Variants in DCDC1 observed in about 807,000 individuals in gnomAD.
DCDC1 encodes the protein doublecortin domain-containing protein 1.
DCDC1 carries 200 observed loss-of-function variants against 178.3 expected under a neutral mutation model. The ratio of observed to expected loss-of-function variants is 1.12; its 90% CI spans 1.00 to 1.26. The LOEUF (loss-of-function observed/expected upper bound fraction) is 1.26. DCDC1 is among the 50% of genes most tolerant of loss of function. The pLI is 0.00. For missense variants in DCDC1, 1,983 were observed against 1,749.2 expected, an observed-to-expected ratio of 1.13 and a Z score of -2.38; for synonymous variants, 690 against 604.8, an observed-to-expected ratio of 1.14 and a Z score of -2.07.
intron 9 of DCDC1, among the ~76,000 whole-genome samples, chr11:31,145,895 T>G (rs1268361550): frequency 6.6e-6 from 1 of 152,208 alleles, no homozygotes; most frequent in Non-Finnish European, 1.5e-5. Context: ...TTTTGTCTTT[T>G]TTCCTTGGCT....
At chr11:31,207,564 G>A (rs1453544747) in intron 9 of DCDC1, among the ~76,000 whole-genome samples, 2 of 152,030 alleles carry the variant, frequency 1.3e-5, no homozygotes, top group Non-Finnish European at 1.5e-5. Context: ...CTGTTACATC[G>A]GATGAACTGT....
At position 31,103,802 on chromosome 11, in the gene DCDC1, C is replaced by T. The variant is rs763163580; in HGVS notation, c.1752-33G>A. On this transcript the variant is annotated intron_variant, in intron 13 of 38. Coordinates refer to ENST00000684477, the MANE Select transcript of DCDC1 (RefSeq NM_001387274.1). ...ACGGATAAAACATCAAAACTATCTT[C>T]AAAATTAGACATACATTGTAATTTG... is the stretch of plus-strand genomic sequence containing the variant. 9.3e-6 allele frequency: 7 copies of T among 754,002 alleles called. No homozygotes were observed. In the African/African-American group the frequency reaches 1.0e-4, roughly 11 times the overall value. The allele number at this position is 754,002 out of a possible 1,614,324, so 46.7% of individuals were successfully genotyped here. A position where few individuals can be genotyped will look rare whatever the true frequency, so the allele number is the denominator to read the frequency against.
At chr11:31,328,626 G>A (rs1181838549) in intron 2 of DCDC1, among the ~76,000 whole-genome samples, 5 of 151,818 alleles carry the variant, frequency 3.3e-5, no homozygotes, top group Admixed American at 1.3e-4. Flanking sequence ...GTGAAACCCC[G>A]TCTCTACTAA....
intron 20 of DCDC1, among the ~76,000 whole-genome samples, chr11:31,057,927 T>C (rs1955692309): frequency 6.6e-6 from 1 of 152,156 alleles, no homozygotes; most frequent in Non-Finnish European, 1.5e-5. Context: ...CCGTAATGAC[T>C]TGTTTAATTT....
chr11:30,938,898 T>C (rs1947453602), intron 21 of DCDC1, among the ~76,000 whole-genome samples: 1 of 151,998 alleles, frequency 6.6e-6, no homozygotes, highest in Admixed American at 6.6e-5. Context: ...AATTTTTGCT[T>C]CCCATTTTCA....
chr11:30,942,309 T>A (rs181107806), intron 21 of DCDC1, among the ~76,000 whole-genome samples: 16 of 152,334 alleles, frequency 1.1e-4, no homozygotes, highest in Non-Finnish European at 1.9e-4. Context: ...TGTCTGTAAC[T>A]ATTCTATAGC....
At chr11:31,118,676 C>A (rs1271756949) in intron 11 of DCDC1, among the ~76,000 whole-genome samples, 1 of 152,180 alleles carries the variant, frequency 6.6e-6, no homozygotes, top group Non-Finnish European at 1.5e-5. Flanking sequence ...TGTGTGCCTG[C>A]AACAGTAAGG....
At chr11:30,932,228 G>C (rs12292535) in intron 21 of DCDC1, among the ~76,000 whole-genome samples, 1 of 151,886 alleles carries the variant, frequency 6.6e-6, no homozygotes, top group Non-Finnish European at 1.5e-5. Flanking sequence ...AAATAGAACC[G>C]AATGAACTTG....
At chr11:31,177,723 A>T (rs1377783906) in intron 9 of DCDC1, among the ~76,000 whole-genome samples, 1 of 152,216 alleles carries the variant, frequency 6.6e-6, no homozygotes. Context: ...AAGAGTAGAC[A>T]TTCTTATACC....
chr11:31,274,994 C>T (rs1016913581), intron 7 of DCDC1, among the ~76,000 whole-genome samples: 4 of 151,938 alleles, frequency 2.6e-5, no homozygotes, highest in Non-Finnish European at 5.9e-5. Flanking sequence ...CCACCACACC[C>T]GTCTTTATTT....
intron 1 of DCDC1, among the ~76,000 whole-genome samples, chr11:31,355,946 G>C (rs962370629): frequency 2.0e-5 from 3 of 152,090 alleles, no homozygotes; most frequent in African/African-American, 7.2e-5. Flanking sequence ...AGTAAGGGAA[G>C]AGTGCCCCAA....
intron 21 of DCDC1, among the ~76,000 whole-genome samples, chr11:30,945,717 TATCTATC>T (rs1947984823): frequency 6.9e-6 from 1 of 145,558 alleles, no homozygotes; most frequent in African/African-American, 2.8e-5. Flanking sequence ...TCTATCTATC[TATCTATC>T]TATCTATCTA....
chr11:30,896,013 CATT>C (rs1251641248), intron 34 of DCDC1, among the ~76,000 whole-genome samples: 3 of 152,058 alleles, frequency 2.0e-5, no homozygotes, highest in South Asian at 2.1e-4. Flanking sequence ...CAGGAAAAAA[CATT>C]ATGCATTTTT....
chr11:31,312,231 T>C (rs1442147970), intron 3 of DCDC1, among the ~76,000 whole-genome samples: 1 of 152,164 alleles, frequency 6.6e-6, no homozygotes, highest in Non-Finnish European at 1.5e-5. Context: ...ATAGTAACAA[T>C]ACTAATAGCT....
chr11:31,324,079 G>A (rs1949519741), intron 3 of DCDC1, among the ~76,000 whole-genome samples: 1 of 151,964 alleles, frequency 6.6e-6, no homozygotes, highest in African/African-American at 2.4e-5. Flanking sequence ...GCAATTTCAG[G>A]ATATTTTATA....
At chr11:31,090,036 A>G (rs1459522174) in intron 17 of DCDC1, among the ~76,000 whole-genome samples, 1 of 152,142 alleles carries the variant, frequency 6.6e-6, no homozygotes, top group African/African-American at 2.4e-5. Flanking sequence ...TTCATGCTCA[A>G]TGTGAGTCTA....
At chr11:30,888,020 A>AAG (rs567285985) in intron 36 of DCDC1, among the ~76,000 whole-genome samples, 1 of 141,650 alleles carries the variant, frequency 7.1e-6, no homozygotes, top group Non-Finnish European at 1.5e-5. Flanking sequence ...AAAAGAAAGA[A>AAG]AGAGAGAGAG....
At chr11:30,965,577 T>C (rs1949380026) in intron 20 of DCDC1, among the ~76,000 whole-genome samples, 1 of 145,858 alleles carries the variant, frequency 6.9e-6, no homozygotes, top group Non-Finnish European at 1.5e-5. Flanking sequence ...CTAATATTGT[T>C]TTTTGTTTGT....
At chr11:30,961,308 T>C (rs1423281158) in intron 20 of DCDC1, among the ~76,000 whole-genome samples, 1 of 152,126 alleles carries the variant, frequency 6.6e-6, no homozygotes, top group African/African-American at 2.4e-5. Context: ...CTTTTTCATA[T>C]TGTATCAGGA....
Sources: allele counts gnomAD v4.1 joint callset (sites outside exome capture counted in the v4.1 genomes callset), GRCh38; gene constraint gnomAD v4.1.1; transcripts MANE v1.5; gene names NCBI Gene and HGNC (gene_info 2026-07-23, HGNC 2026-07-21).